INSR: variants seen among roughly 807,000 people sequenced by gnomAD.
The protein encoded by INSR is IR.
Under a neutral mutation model 142.6 loss-of-function variants are expected in INSR, and 67 were observed. The observed-to-expected ratio is 0.47, with a 90% confidence interval of 0.39 to 0.58. The LOEUF is 0.58. Ranked by LOEUF, INSR falls within the 20% of genes least tolerant of loss-of-function variation. The probability of loss-of-function intolerance (pLI) is 0.00; values close to 1 mark genes in which losing one functional copy is unlikely to be tolerated. For missense variants in INSR, 1,248 were observed against 1,833.2 expected (o/e 0.68, Z 5.83); for synonymous variants, 756 against 743.1 (o/e 1.02, Z -0.28).
rs530955658 is a variant in INSR at position 7,267,508 on chromosome 19, G to T, written c.489C>A (p.Ile163=). ...TGTAATTATCCTCCACGGAATCCAGGATACGGGACCAGTCGATAGTGGCCA... is the reference window on the plus strand; with the variant it reads ...TGTAATTATCCTCCACGGAATCCAGTATACGGGACCAGTCGATAGTGGCCA... ...CYLATIDWSR[I]LDSVEDNYIV... Residue 163 remains isoleucine (I), a synonymous_variant, in exon 2 of 22, where the codon ATC becomes ATA. Transcript: ENST00000302850. The surrounding 1 kb of genome is among the most constrained non-coding windows in gnomAD (Gnocchi z 6.3). The T allele has an allele frequency of 4.3e-4, 689 of 1,614,084 alleles. 8 individuals carry two copies. In the South Asian group the frequency reaches 7.0e-3, roughly 16 times the overall value.
At chr19:7,251,484 C>A (rs1413483363) in intron 2 of INSR, among the ~76,000 whole-genome samples, 5 of 151,924 alleles carry the variant, frequency 3.3e-5, no homozygotes, top group Admixed American at 3.3e-4. Context: ...TGGTCTCCAA[C>A]TCTTGGCTTC....
intron 2 of INSR, among the ~76,000 whole-genome samples, chr19:7,222,149 C>CAAAAAAA (rs1568496011): frequency 1.3e-5 from 1 of 76,222 alleles, no homozygotes; most frequent in Non-Finnish European, 2.7e-5. Flanking sequence ...AAAAAAAAAT[C>CAAAAAAA]AGGAGTGACC....
At chr19:7,241,477 C>T (rs988986286) in intron 2 of INSR, among the ~76,000 whole-genome samples, 7 of 151,858 alleles carry the variant, frequency 4.6e-5, no homozygotes, top group Non-Finnish European at 1.0e-4. Context: ...CAAAACTTTG[C>T]CAGGCATAGT....
chr19:7,130,417 T>G (rs1972746537), intron 14 of INSR, among the ~76,000 whole-genome samples: 1 of 152,196 alleles, frequency 6.6e-6, no homozygotes, highest in Non-Finnish European at 1.5e-5. Context: ...TTTGGATCTG[T>G]GTCCCCACCC....
chr19:7,122,548 C>A (rs2144804558), intron 19 of INSR, 66 bp downstream of exon 19: 2 of 1,553,500 alleles, frequency 1.3e-6, no homozygotes, highest in Non-Finnish European at 1.8e-6. Flanking sequence ...TCATTATAGA[C>A]AACTTCCTTC....
intron 10 of INSR, among the ~76,000 whole-genome samples, chr19:7,151,154 C>CT (rs1319761582): frequency 0.17 from 1,501 of 9,092 alleles, 24 homozygotes; most frequent in Non-Finnish European, 0.35. Context: ...TCTTTCCTTT[C>CT]TTTCTTTCTC....
chr19:7,266,625 T>C (rs1967740666), intron 2 of INSR, among the ~76,000 whole-genome samples: 1 of 152,092 alleles, frequency 6.6e-6, no homozygotes, highest in Admixed American at 6.6e-5. Context: ...CCTCAAGTGG[T>C]CCACCCGCCT....
At chr19:7,128,306 G>A (rs1369343310) in intron 15 of INSR, among the ~76,000 whole-genome samples, 2 of 151,598 alleles carry the variant, frequency 1.3e-5, no homozygotes, top group Non-Finnish European at 2.9e-5. Flanking sequence ...TCCGCCACCA[G>A]GGTTCAGTAA....
At position 7,168,085 on chromosome 19, in the gene INSR, T is replaced by C. The variant is rs778238595; in HGVS notation, c.1493A>G (p.Glu498Gly). The change falls in exon 7 of 22, where the codon GAG (glutamate) becomes GGG (glycine). Residue 498 changes from glutamate (E) to glycine (G), a missense_variant. Physicochemically the swap from Glu to Gly is moderately conservative, Grantham distance 98 (BLOSUM62 -2). This residue lies in a region of INSR where 1,069 missense variants were observed against 1,654.0 expected (regional missense o/e 0.65). Coordinates refer to ENST00000302850, the MANE Select transcript of INSR (RefSeq NM_000208.4). The surrounding 1 kb of genome is among the most constrained non-coding windows in gnomAD (Gnocchi z 4.3). ...TNGDQASCEN[E>G]LLKFSYIRTS... ...CCGAATGTAAGAAAATTTAAGTAACTCATTTTCACCTGGAAAAGTTAAAAC... is the reference window on the plus strand; with the variant it reads ...CCGAATGTAAGAAAATTTAAGTAACCCATTTTCACCTGGAAAAGTTAAAAC... 6.2e-7 allele frequency: 1 copy of C among 1,613,836 alleles called. No individual in the cohort carries two copies. Among genetic ancestry groups the C allele is most frequent in the East Asian group, 2.2e-5 (1 of 44,866 alleles).
chr19:7,271,880 T>C (rs1460772984), intron 1 of INSR, among the ~76,000 whole-genome samples: 1 of 152,092 alleles, frequency 6.6e-6, no homozygotes, highest in Non-Finnish European at 1.5e-5. Flanking sequence ...AATGCTGGTG[T>C]GTGTCTCTGG....
intron 10 of INSR, among the ~76,000 whole-genome samples, chr19:7,151,130 G>A (rs1244093168): frequency 9.2e-6 from 1 of 109,142 alleles, no homozygotes; most frequent in African/African-American, 3.6e-5. Flanking sequence ...TCCTTTCTCT[G>A]TCCTTTCTTT....
chr19:7,260,877 C>CTTT (rs1472462977), intron 2 of INSR, among the ~76,000 whole-genome samples: 1 of 138,206 alleles, frequency 7.2e-6, no homozygotes, highest in Non-Finnish European at 1.5e-5. Context: ...CCTCAAAGAA[C>CTTT]TTCTTTTTTT....
rs538122064 is a variant in INSR, at chr19:7,172,771, G to A, written c.1124-337C>T. 5.9e-5 allele frequency among the ~76,000 whole-genome samples: 9 copies of A among 151,844 alleles called. No individual in the cohort carries two copies. The South Asian group carries it at 1.7e-3, about 28-fold the overall frequency. On this transcript the variant is annotated intron_variant, in intron 4 of 21. Transcript: ENST00000302850. ...CCCCAGCTTGGTGCTGGTGGCTCATGCCTGTAATACCAGCACCTTGGGAGG... is the reference window on the plus strand; with the variant it reads ...CCCCAGCTTGGTGCTGGTGGCTCATACCTGTAATACCAGCACCTTGGGAGG...
intron 2 of INSR, among the ~76,000 whole-genome samples, chr19:7,195,686 A>G (rs751118842): frequency 2.0e-5 from 3 of 151,328 alleles, no homozygotes; most frequent in East Asian, 1.9e-4. Context: ...ATAAAAGCCA[A>G]TGTTGGGAAA....
Position 7,163,884 on chromosome 19 carries a change from C to T in INSR, c.1862-685G>A, listed in dbSNP as rs1180246620. Among the ~76,000 whole-genome samples, 6 of 128,138 alleles carry T rather than the reference C, an allele frequency of 4.7e-5. No homozygotes were observed. The East Asian group carries it at 1.1e-3, about 24-fold the overall frequency. 84.1% of individuals were successfully genotyped at this position (128,138 alleles called of 152,430 possible). On this transcript the variant is annotated intron_variant, in intron 8 of 21. Coordinates refer to ENST00000302850, the MANE Select transcript of INSR (RefSeq NM_000208.4). ...TCTGAATCACCTGAGATCAGGAGTT[C>T]GAGACTACACCTGGCCAACATGGTG...
chr19:7,272,063 G>C (rs551415162), intron 1 of INSR, among the ~76,000 whole-genome samples: 46 of 152,200 alleles, frequency 3.0e-4, no homozygotes, highest in Admixed American at 9.2e-4. Flanking sequence ...CCAGCACTGC[G>C]GGAGGCCGAG....
chr19:7,117,099 T>C lies in INSR; in HGVS notation c.4106A>G (p.Lys1369Arg). Residue 1369 changes from lysine to arginine, a missense_variant, in exon 22 of 22, where the codon AAA (lysine) becomes AGA (arginine). By Grantham distance (26) the Lys-to-Arg change is conservative. Around this residue, in one of 3 missense-constraint regions of INSR, gnomAD observed 122 missense variants for 129.8 expected, o/e 0.94. Transcript: ENST00000302850. The stretch of plus-strand genomic sequence containing the variant: ...AGGCAAGGTCAGAATCCGCCCGTTT[T>C]TCTTGCCTCCGTTCATGTGTGTGTA... ...IPYTHMNGGK[K>R]NGRILTLPRS... 1 of 1,614,156 alleles carries C rather than the reference T, an allele frequency of 6.2e-7. No individual in the cohort carries two copies. Among genetic ancestry groups the C allele is most frequent in the Non-Finnish European group, 8.5e-7 (1 of 1,180,030 alleles).
chr19:7,279,246 G>A (rs867420011), intron 1 of INSR, among the ~76,000 whole-genome samples: 3 of 152,054 alleles, frequency 2.0e-5, no homozygotes, highest in Middle Eastern at 3.4e-3. Flanking sequence ...GATCACTTAA[G>A]TCCAGAAGTC....
intron 2 of INSR, among the ~76,000 whole-genome samples, chr19:7,185,841 C>CAAAAAAAAAAA (rs754262409): frequency 0.034 from 1,550 of 44,940 alleles, 158 homozygotes; most frequent in Non-Finnish European, 0.042. Flanking sequence ...AAAATTCTGT[C>CAAAAAAAAAAA]AAAAAAAAAA....
Sources: gnomAD v4.1 joint callset for allele counts (sites outside exome capture counted in the v4.1 genomes callset) on GRCh38, gnomAD v4.1.1 for gene constraint, gnomAD v4.1.1 regional missense constraint, Gnocchi (gnomAD v3.1) non-coding constraint, MANE v1.5 for transcripts, NCBI Gene and HGNC (gene_info 2026-07-23, HGNC 2026-07-21) for gene names.